Variants in EPHA6 observed in about 807,000 individuals in gnomAD.
EPHA6 encodes the protein EPH receptor A6.
A neutral mutation model predicts 112.0 loss-of-function variants in EPHA6; 50 were observed. The ratio of observed to expected loss-of-function variants is 0.45; its 90% CI spans 0.36 to 0.56. EPHA6 has a LOEUF of 0.56. EPHA6 is among the 20% of genes least tolerant of loss of function. The pLI, the probability that EPHA6 is intolerant of heterozygous loss-of-function variation, is 0.00. For missense variants in EPHA6, 1,280 were observed against 1,417.4 expected, an observed-to-expected ratio of 0.90 and a Z score of 1.56; for synonymous variants, 529 against 490.7, an observed-to-expected ratio of 1.08 and a Z score of -1.03.
chr3:97,324,443 T>TTCTTTCTTTCTC (rs1245801917), intron 5 of EPHA6, among the ~76,000 whole-genome samples: 9 of 148,292 alleles, frequency 6.1e-5, no homozygotes, highest in African/African-American at 2.3e-4. Flanking sequence ...CTTTCTTTCT[T>TTCTTTCTTTCTC]TCTTTCTTTC....
chr3:97,003,266 C>T (rs1323203343), intron 3 of EPHA6, among the ~76,000 whole-genome samples: 2 of 152,100 alleles, frequency 1.3e-5, no homozygotes, highest in Non-Finnish European at 2.9e-5. Context: ...CACCACCATG[C>T]CCAGCTAATT....
intron 3 of EPHA6, among the ~76,000 whole-genome samples, chr3:97,218,961 A>G (rs2078112750): frequency 1.3e-5 from 2 of 152,276 alleles, no homozygotes; most frequent in African/African-American, 4.8e-5. Context: ...AAAGGGCTCC[A>G]GGCCTCCTGT....
intron 3 of EPHA6, among the ~76,000 whole-genome samples, chr3:97,169,093 C>G (rs1383089869): frequency 6.6e-6 from 1 of 152,144 alleles, no homozygotes; most frequent in African/African-American, 2.4e-5. Context: ...CTGTCTTATG[C>G]TCTCAGAATG....
At chr3:96,899,434 AACT>A (rs1435514706) in intron 2 of EPHA6, among the ~76,000 whole-genome samples, 2 of 152,230 alleles carry the variant, frequency 1.3e-5, no homozygotes, top group Non-Finnish European at 2.9e-5. Flanking sequence ...TTTTGGGAAA[AACT>A]ACTACAAGTC....
chr3:97,320,932 A>G (rs1257536692), intron 5 of EPHA6, among the ~76,000 whole-genome samples: 1 of 151,812 alleles, frequency 6.6e-6, no homozygotes, highest in African/African-American at 2.4e-5. Flanking sequence ...GTTATTGCAC[A>G]TTAAAAAATA....
chr3:96,915,841 A>G (rs1559828073), intron 2 of EPHA6, among the ~76,000 whole-genome samples: 1 of 152,052 alleles, frequency 6.6e-6, no homozygotes, highest in Non-Finnish European at 1.5e-5. Flanking sequence ...TAACCCTATG[A>G]AATAGGTACT....
At chr3:96,825,901 A>G (rs62262930) in intron 1 of EPHA6, among the ~76,000 whole-genome samples, 6,903 of 151,878 alleles carry the variant, frequency 0.045, 202 homozygotes, top group Middle Eastern at 0.075. Context: ...TAATAATTAA[A>G]GATATTTTGG....
Position 97,215,890 on chromosome 3 carries a change from CTTT to C in EPHA6, c.1115-10371_1115-10369del, listed in dbSNP as rs1217453291. The stretch of plus-strand genomic sequence containing the variant: ...GATCTGAAATTTAGGAAGGTAAAAG[CTTT>C]TTGTTAAACATAGTTTATTGAACAT... On this transcript the variant is annotated intron_variant, in intron 3 of 17. Coordinates refer to ENST00000389672, the MANE Select transcript of EPHA6 (RefSeq NM_001080448.3). Among the ~76,000 whole-genome samples the C allele has an allele frequency of 2.6e-5, 4 of 152,132 alleles. No individual in the cohort carries two copies. In the East Asian group the frequency reaches 7.8e-4, roughly 29 times the overall value.
At chr3:97,281,837 G>T (rs2080296341) in intron 5 of EPHA6, among the ~76,000 whole-genome samples, 1 of 152,140 alleles carries the variant, frequency 6.6e-6, no homozygotes, top group African/African-American at 2.4e-5. Flanking sequence ...TAATAAGTCA[G>T]GGCCTATAAC....
At position 96,819,263 on chromosome 3, in the gene EPHA6, T is replaced by C. The variant is rs544844640; in HGVS notation, c.385+4255T>C. Among the ~76,000 whole-genome samples the C allele has an allele frequency of 6.6e-5, 10 of 152,228 alleles. No individual in the cohort carries two copies. The East Asian group carries it at 1.9e-3, about 29-fold the overall frequency. Reference sequence around the variant, plus strand: ...GGAAATTAATGATTAAATTACATCCTTTTACTTTTTTGTTACTTTTACATC... The same window carrying C: ...GGAAATTAATGATTAAATTACATCCCTTTACTTTTTTGTTACTTTTACATC... On this transcript the variant is annotated intron_variant, in intron 1 of 17. Coordinates refer to ENST00000389672, the MANE Select transcript of EPHA6 (RefSeq NM_001080448.3).
Position 97,138,635 on chromosome 3 carries a change from A to C in EPHA6, c.1115-87629A>C, listed in dbSNP as rs75407249. On this transcript the variant is annotated intron_variant, in intron 3 of 17. Transcript: ENST00000389672. ...AGAACAAGTCTGTGGGCCTGGCCCC[A>C]GTCCAGGGGCATGGAGATCAGATTT... 3.9e-5 allele frequency among the ~76,000 whole-genome samples: 6 copies of C among 152,304 alleles called. No homozygotes were observed. In the East Asian group the frequency reaches 1.2e-3, roughly 30 times the overall value.
intron 2 of EPHA6, among the ~76,000 whole-genome samples, chr3:96,881,534 T>A (rs1287878214): frequency 6.6e-6 from 1 of 152,202 alleles, no homozygotes; most frequent in African/African-American, 2.4e-5. Context: ...AGGTGGGAAT[T>A]ATGTGAGTAC....
In EPHA6 at chr3:97,238,337, A is replaced by G. The variant is rs868633471; in HGVS notation, c.1271-5615A>G. Among the ~76,000 whole-genome samples the G allele has an allele frequency of 3.3e-5, 5 of 152,078 alleles. 1 individual carries two copies. The highest frequency in any genetic ancestry group is 6.8e-3 in the Middle Eastern group (2 of 294). ...TTCTTAGTAGCACTAGGCTCTTAAA[A>G]AATTATAACCTTGAATTATCTGCTT... On this transcript the variant is annotated intron_variant, in intron 4 of 17. Coordinates refer to ENST00000389672, the MANE Select transcript of EPHA6 (RefSeq NM_001080448.3).
At chr3:97,086,681 C>T (rs1388859328) in intron 3 of EPHA6, among the ~76,000 whole-genome samples, 2 of 151,890 alleles carry the variant, frequency 1.3e-5, no homozygotes, top group Non-Finnish European at 2.9e-5. Context: ...TATTGTTTAA[C>T]ATTTTGCACA....
rs188845083 is a variant in EPHA6, at chr3:97,430,421, A to C, written c.1732-18147A>C. ...CAAGGTCAGCAACTAAAATTTCAAA[A>C]AATATAAAATATCTTAGAGTATCAT... On this transcript the variant is annotated intron_variant, in intron 6 of 17. Coordinates refer to ENST00000389672, the MANE Select transcript of EPHA6 (RefSeq NM_001080448.3). Among the ~76,000 whole-genome samples, 5 of 152,238 alleles carry C rather than the reference A, an allele frequency of 3.3e-5. No individual in the cohort carries two copies. The East Asian group carries it at 9.7e-4, about 29-fold the overall frequency.
At chr3:97,217,197 C>A (rs1487992272) in intron 3 of EPHA6, among the ~76,000 whole-genome samples, 1 of 151,996 alleles carries the variant, frequency 6.6e-6, no homozygotes, top group Admixed American at 6.6e-5. Context: ...ATCAAGGTAG[C>A]AAGATTTCAC....
chr3:97,233,089 C>G (rs1420394329), intron 4 of EPHA6, among the ~76,000 whole-genome samples: 1 of 151,972 alleles, frequency 6.6e-6, no homozygotes, highest in Admixed American at 6.6e-5. Flanking sequence ...ATTGGGAGAC[C>G]ACTGTTCCCT....
intron 15 of EPHA6, among the ~76,000 whole-genome samples, chr3:97,721,874 A>G (rs2034546456): frequency 6.6e-6 from 1 of 152,182 alleles, no homozygotes; most frequent in Admixed American, 6.5e-5. Context: ...AAAGGAACCC[A>G]TATTTGGGGA....
At chr3:97,229,285 CTT>C (rs769712000) in intron 4 of EPHA6, among the ~76,000 whole-genome samples, 2 of 152,148 alleles carry the variant, frequency 1.3e-5, no homozygotes, top group Non-Finnish European at 2.9e-5. Flanking sequence ...GTCATAAACT[CTT>C]TGCATAAGCC....
Sources: gnomAD v4.1 joint callset for allele counts (sites outside exome capture counted in the v4.1 genomes callset) on GRCh38, gnomAD v4.1.1 for gene constraint, MANE v1.5 for transcripts, NCBI Gene and HGNC (gene_info 2026-07-23, HGNC 2026-07-21) for gene names.